DNMT3B: variants seen among roughly 807,000 people sequenced by gnomAD.
The protein encoded by DNMT3B is DNA methyltransferase 3 beta, also known as DNA (cytosine-5)-methyltransferase 3B.
Under a neutral mutation model 120.2 loss-of-function variants are expected in DNMT3B, and 37 were observed. The observed-to-expected ratio is 0.31, with a 90% CI of 0.24 to 0.40. DNMT3B has a LOEUF of 0.40. DNMT3B is among the 10% of genes least tolerant of loss of function. The probability of loss-of-function intolerance (pLI) is 1.00; values close to 1 mark genes in which losing one functional copy is unlikely to be tolerated. For synonymous variants in DNMT3B, 412 were observed against 442.8 expected (o/e 0.93, Z 0.87); for missense variants, 878 against 1,137.3 (o/e 0.77, Z 3.28).
intron 1 of DNMT3B, among the ~76,000 whole-genome samples, chr20:32,766,655 G>A (rs1987387168): frequency 6.6e-6 from 1 of 150,572 alleles, no homozygotes; most frequent in African/African-American, 2.4e-5. Context: ...CGCAGTGGCG[G>A]TTGCTCACTG....
At chr20:32,807,588 G>A (rs1295665730) in intron 22 of DNMT3B, among the ~76,000 whole-genome samples, 174 bp from the exon 23 acceptor site, 1 of 152,146 alleles carries the variant, frequency 6.6e-6, no homozygotes, top group South Asian at 2.1e-4. Flanking sequence ...TTTCATTTGT[G>A]AGCAATTTGT....
chr20:32,774,542 G>A (rs1419148276), intron 1 of DNMT3B, among the ~76,000 whole-genome samples: 1 of 118,550 alleles, frequency 8.4e-6, no homozygotes, highest in Non-Finnish European at 1.7e-5. Flanking sequence ...GATTCAAGAA[G>A]TACATGTGCT....
intron 1 of DNMT3B, among the ~76,000 whole-genome samples, chr20:32,766,360 G>A (rs1374298375): frequency 1.3e-5 from 2 of 151,916 alleles, no homozygotes; most frequent in African/African-American, 4.8e-5. Flanking sequence ...ATATATCTAC[G>A]TAGATATAGA....
chr20:32,806,735 G>A (rs1002060581), intron 22 of DNMT3B, among the ~76,000 whole-genome samples: 2 of 152,086 alleles, frequency 1.3e-5, no homozygotes, highest in Admixed American at 1.3e-4. Flanking sequence ...CTTTCTTTGG[G>A]CTAAGTTTGT....
Position 32,808,999 on chromosome 20 carries a change from C to CT in DNMT3B, c.*1102dup, listed in dbSNP as rs1982244029. 1 of 217,628 alleles carries CT rather than the reference C, an allele frequency of 4.6e-6. No homozygotes were observed. The highest frequency in any genetic ancestry group is 2.3e-5 in the African/African-American group (1 of 44,404). The allele number at this position is 217,628 out of a possible 1,614,324, so 13.5% of individuals were successfully genotyped here. On this transcript the variant is annotated 3_prime_UTR_variant, in exon 23 of 23. Coordinates refer to ENST00000328111, the MANE Select transcript of DNMT3B (RefSeq NM_006892.4). ...TGCTCCCTTTGGAGATTTTTTAATC[C>CT]TTTTTTATTCCATAAGAAGTCGTTT...
In DNMT3B at chr20:32,808,031, C is replaced by G. The variant is rs192157352; in HGVS notation, c.*128C>G. On this transcript the variant is annotated 3_prime_UTR_variant, in exon 23 of 23. Transcript: ENST00000328111. ...GGGTCATACCGTGTACCTCAGTTCC[C>G]TCTTGCTCAGTGGGGGCAGAGCCAC... The G allele has an allele frequency of 7.2e-6, 11 of 1,528,952 alleles. No individual in the cohort carries two copies. Among genetic ancestry groups the G allele is most frequent in the African/African-American group, 2.7e-5 (2 of 73,004 alleles). 94.7% of individuals were successfully genotyped at this position (1,528,952 alleles called of 1,614,324 possible).
intron 1 of DNMT3B, among the ~76,000 whole-genome samples, chr20:32,772,874 ATTT>A (rs397960769): frequency 3.1e-5 from 4 of 129,374 alleles, no homozygotes; most frequent in South Asian, 2.4e-4. Flanking sequence ...GTTTGGACAC[ATTT>A]TTTTTTTTTT....
At chr20:32,774,007 C>G (rs1987918076) in intron 1 of DNMT3B, among the ~76,000 whole-genome samples, 1 of 123,108 alleles carries the variant, frequency 8.1e-6, no homozygotes, top group South Asian at 2.8e-4. Context: ...GGGTAAGTTC[C>G]TTATCAGACA....
chr20:32,793,575 A>C lies in DNMT3B; in HGVS notation c.1106A>C (p.Lys369Thr). The C allele has an allele frequency of 6.2e-7, 1 of 1,613,948 alleles. No individual in the cohort carries two copies. ...AAGGTGCGTCGTGCAGGCAGTAGGA[A>C]ATTAGAATCAAGGAAATACGGTATT... ...KSKVRRAGSR[K>T]LESRKYENKT... Residue 369 changes from lysine to threonine, a missense_variant, in exon 10 of 23, where the codon AAA (lysine) becomes ACA (threonine). Physicochemically the swap from Lys to Thr is moderately conservative, Grantham distance 78. This residue lies in a region of DNMT3B where 207 missense variants were observed against 222.6 expected (regional missense o/e 0.93). Coordinates refer to ENST00000328111, the MANE Select transcript of DNMT3B (RefSeq NM_006892.4).
chr20:32,795,892 G>A (rs922277019), intron 12 of DNMT3B, among the ~76,000 whole-genome samples, 198 bp downstream of exon 12: 1 of 152,226 alleles, frequency 6.6e-6, no homozygotes, highest in African/African-American at 2.4e-5. Context: ...TTAAGAGAAA[G>A]GTACAGGAAG....
At chr20:32,781,508 G>A in intron 3 of DNMT3B, 94 bp downstream of exon 3, 11 of 1,326,344 alleles carry the variant, frequency 8.3e-6, no homozygotes, top group Non-Finnish European at 1.2e-5. Flanking sequence ...ACTGGCATCT[G>A]CAAATGTATG....
At position 32,765,422 on chromosome 20, in the gene DNMT3B, C is replaced by CTTTTTTTTTTTT. The variant is rs201623266; in HGVS notation, c.-7+2726_-7+2727insTTTTTTTTTTTT. ...GTGAGCATTTTCTTTCTCTTTTTTT[C>CTTTTTTTTTTTT]TTTCTTTTTTTTTTTTTTGAGACAG... On this transcript the variant is annotated intron_variant, in intron 1 of 22. Transcript: ENST00000328111. 2.5e-5 allele frequency among the ~76,000 whole-genome samples: 3 copies of CTTTTTTTTTTTT among 121,322 alleles called. 1 individual carries two copies. The highest frequency in any genetic ancestry group is 7.1e-5 in the African/African-American group (2 of 28,200). The allele number at this position is 121,322 out of a possible 152,430, so 79.6% of individuals were successfully genotyped here. A position where few individuals can be genotyped will look rare whatever the true frequency, so the allele number is the denominator to read the frequency against.
chr20:32,771,415 C>T (rs776175694), intron 1 of DNMT3B, among the ~76,000 whole-genome samples: 4 of 152,034 alleles, frequency 2.6e-5, no homozygotes, highest in Admixed American at 1.3e-4. Context: ...CTGAGGTGGG[C>T]GGATCGCCTG....
chr20:32,788,644 C>T (rs565282927), intron 6 of DNMT3B, among the ~76,000 whole-genome samples: 1 of 152,242 alleles, frequency 6.6e-6, no homozygotes, highest in East Asian at 1.9e-4. Flanking sequence ...TGCTGTGTTG[C>T]CCGGGCTGGT....
At chr20:32,798,322 C>T (rs1417654633) in intron 14 of DNMT3B, 138 bp from the exon 15 acceptor site, 11 of 1,083,196 alleles carry the variant, frequency 1.0e-5, no homozygotes, top group African/African-American at 3.1e-5. Flanking sequence ...CACAGGGCCC[C>T]GCAGGCTATG....
At chr20:32,773,004 G>C (rs1987836030) in intron 1 of DNMT3B, among the ~76,000 whole-genome samples, 1 of 151,510 alleles carries the variant, frequency 6.6e-6, no homozygotes, top group African/African-American at 2.4e-5. Context: ...TTTTAGTAGA[G>C]AGCGGGGTTT....
rs545638472 is a variant in DNMT3B at position 32,762,543 on chromosome 20, A to C, written c.-163A>C. 2.1e-4 allele frequency: 71 copies of C among 339,192 alleles called. No individual in the cohort carries two copies. The highest frequency in any genetic ancestry group is 6.7e-4 in the Middle Eastern group (1 of 1,492). 21.0% of individuals were successfully genotyped at this position (339,192 alleles called of 1,614,324 possible). A position where few individuals can be genotyped will look rare whatever the true frequency, so the allele number is the denominator to read the frequency against. ...CGGGCGGCAACGCTGCCCGGCCGGC[A>C]GCGCTGGGGTTAAGTGGCCCAAGTA... On this transcript the variant is annotated 5_prime_UTR_variant, in exon 1 of 23. Transcript: ENST00000328111.
chr20:32,808,061 C>T lies in DNMT3B; in HGVS notation c.*158C>T. On this transcript the variant is annotated 3_prime_UTR_variant, in exon 23 of 23. Coordinates refer to ENST00000328111, the MANE Select transcript of DNMT3B (RefSeq NM_006892.4). ...GCTCAGTGGGGGCAGAGCCACCTGA[C>T]TCTTGCAGGGGTAGCCTGAGGTGCC... The T allele has an allele frequency of 7.7e-7, 1 of 1,291,628 alleles. No individual in the cohort carries two copies. Among genetic ancestry groups the T allele is most frequent in the Non-Finnish European group, 1.1e-6 (1 of 930,276 alleles). The allele number at this position is 1,291,628 out of a possible 1,614,324, so 80.0% of individuals were successfully genotyped here.
chr20:32,792,562 T>TGGGTGTGGCCTGGC (rs1980098888), intron 8 of DNMT3B, 64 bp from the exon 9 acceptor site: 1 of 1,612,940 alleles, frequency 6.2e-7, no homozygotes, highest in Non-Finnish European at 8.5e-7. Flanking sequence ...GGGGAATCCC[T>TGGGTGTGGCCTGGC]GGGTGTGGCC....
Sources: allele counts gnomAD v4.1 joint callset (sites outside exome capture counted in the v4.1 genomes callset), GRCh38; gene constraint gnomAD v4.1.1; regional missense constraint gnomAD v4.1.1; transcripts MANE v1.5; gene names NCBI Gene and HGNC (gene_info 2026-07-23, HGNC 2026-07-21).